The following PRPF18 variants were observed in gnomAD, a reference collection of about 807,000 sequenced individuals.
The protein encoded by PRPF18 is pre-mRNA-splicing factor 18.
A neutral mutation model predicts 46.5 loss-of-function variants in PRPF18; 38 were observed. The observed-to-expected ratio is 0.82, with a 90% CI of 0.63 to 1.07. The LOEUF (loss-of-function observed/expected upper bound fraction) is 1.07. Among genes scored for constraint, PRPF18 ranks in the 50% least tolerant of loss-of-function variants. The pLI, the probability that PRPF18 is intolerant of heterozygous loss-of-function variation, is 0.00. For missense variants in PRPF18, 263 were observed against 410.0 expected, an observed-to-expected ratio of 0.64 and a Z score of 3.10; for synonymous variants, 152 against 146.7, an observed-to-expected ratio of 1.04 and a Z score of -0.26.
intron 8 of PRPF18, among the ~76,000 whole-genome samples, chr10:13,614,587 G>A (rs1589131539): frequency 1.3e-5 from 2 of 152,276 alleles, no homozygotes; most frequent in Admixed American, 1.3e-4. Context: ...AGGCTTCCAG[G>A]ACTCATCTCT....
intron 1 of PRPF18, among the ~76,000 whole-genome samples, chr10:13,590,441 CAA>C (rs71721771): frequency 3.0e-5 from 4 of 134,960 alleles, no homozygotes; most frequent in African/African-American, 5.4e-5. Context: ...ACTGAAAATA[CAA>C]AAAAAAAAAA....
the PRPF18 span, chr10:13,647,507 C>T: frequency 6.6e-6 from 1 of 150,664 alleles, no homozygotes; most frequent in African/African-American, 2.5e-5. Context: ...TCCGTGAGAC[C>T]CCAGGGCTAA....
At chr10:13,649,783 A>G in the PRPF18 span, 1 of 152,240 alleles carries the variant, frequency 6.6e-6, no homozygotes, top group Non-Finnish European at 1.5e-5. Context: ...TAGTCAAGGA[A>G]TGCCATGTGC....
intron 1 of PRPF18, among the ~76,000 whole-genome samples, chr10:13,593,206 T>C (rs1320621731): frequency 1.3e-5 from 2 of 152,068 alleles, no homozygotes; most frequent in African/African-American, 4.8e-5. Flanking sequence ...TTCTAATACA[T>C]TGGAAAATCT....
chr10:13,591,854 G>A, intron 1 of PRPF18: 1 of 1,429,370 alleles, frequency 7.0e-7, no homozygotes, highest in Non-Finnish European at 9.4e-7. Flanking sequence ...TTGCCTCTGT[G>A]GAATCCAGTG....
At position 13,610,102 on chromosome 10, in the gene PRPF18, G is replaced by A. The variant is rs894379596; in HGVS notation, c.427G>A (p.Val143Ile). Residue 143 changes from valine (V) to isoleucine (I), a missense_variant, in exon 5 of 10, where the codon GTC becomes ATC. By Grantham distance (29) the Val-to-Ile change is conservative. Coordinates refer to ENST00000378572, the MANE Select transcript of PRPF18 (RefSeq NM_003675.4). ...KIDQQYLNEI[V>I]GGQEPGEEDT... ...TGATCAGCAGTACCTCAATGAAATC[G>A]TCGGCGGTCAGGAGCCTGGAGAGGA... 13 of 1,613,670 alleles carry A rather than the reference G, an allele frequency of 8.1e-6. No homozygotes were observed. Among genetic ancestry groups the A allele is most frequent in the Admixed American group, 3.3e-5 (2 of 59,992 alleles).
intron 2 of PRPF18, among the ~76,000 whole-genome samples, chr10:13,599,284 T>A (rs1372130660): frequency 6.6e-6 from 1 of 152,216 alleles, no homozygotes; most frequent in African/African-American, 2.4e-5. Context: ...TTTACCTCAG[T>A]ATCAATTAGT....
chr10:13,643,983 C>G, the PRPF18 span: 1 of 152,564 alleles, frequency 6.6e-6, no homozygotes, highest in African/African-American at 2.4e-5. Context: ...TTGTAATAAA[C>G]TATTGACATT....
rs1346877017 is a variant in PRPF18, at chr10:13,610,027, TGC to T, written c.364-11_364-10del. On this transcript the variant is annotated splice_polypyrimidine_tract_variant and intron_variant, in intron 4 of 9. Transcript: ENST00000378572. Reference sequence around the variant, plus strand: ...TCATAACAGGTGTTCTTCCTTTTTTTGCTTTTCTTAGGGATTGAGGAATGATT... The same window carrying T: ...TCATAACAGGTGTTCTTCCTTTTTTTTTTTCTTAGGGATTGAGGAATGATT... 6.3e-7 allele frequency: 1 copy of T among 1,582,232 alleles called. No individual in the cohort carries two copies. Among genetic ancestry groups the T allele is most frequent in the Admixed American group, 1.7e-5 (1 of 57,354 alleles).
At chr10:13,628,168 A>C (rs910266614) in intron 9 of PRPF18, among the ~76,000 whole-genome samples, 2 of 152,228 alleles carry the variant, frequency 1.3e-5, no homozygotes, top group African/African-American at 4.8e-5. Context: ...CGTGTGCAAA[A>C]GCCCTTCTTG....
intron 1 of PRPF18, among the ~76,000 whole-genome samples, chr10:13,588,911 C>T (rs576208436): frequency 7.2e-5 from 11 of 152,258 alleles, no homozygotes; most frequent in East Asian, 1.9e-4. Flanking sequence ...TATTTCTATC[C>T]GTATTTACCA....
intron 1 of PRPF18, chr10:13,592,130 T>C: frequency 1.7e-6 from 1 of 588,744 alleles, no homozygotes; most frequent in Non-Finnish European, 3.1e-6. Context: ...ACACAGCTTT[T>C]CTGGAATACA....
downstream of PRPF18, among the ~76,000 whole-genome samples, chr10:13,633,954 T>A (rs548387758): frequency 2.7e-4 from 41 of 152,334 alleles, no homozygotes; most frequent in Non-Finnish European, 3.8e-4. Context: ...ACTCTGCAGT[T>A]CCATTGGCTG....
At chr10:13,588,109 G>A (rs537976579) in intron 1 of PRPF18, among the ~76,000 whole-genome samples, 58 of 152,198 alleles carry the variant, frequency 3.8e-4, no homozygotes, top group African/African-American at 1.4e-3. Context: ...AAGGGTTTGT[G>A]CCCAACTGAA....
chr10:13,587,029 G>T lies in PRPF18; in HGVS notation c.-58G>T. The T allele has an allele frequency of 1.9e-6, 3 of 1,577,398 alleles. No individual in the cohort carries two copies. Among genetic ancestry groups the T allele is most frequent in the South Asian group, 1.1e-5 (1 of 90,304 alleles). On this transcript the variant is annotated 5_prime_UTR_variant, in exon 1 of 10. Transcript: ENST00000378572. ...CAGTGGGTTCGCGGCCGCCGGCCCA[G>T]TGAGGCTGGGTTCGAGGAGCTGGAG... is the stretch of plus-strand genomic sequence containing the variant.
At chr10:13,648,872 G>A in the PRPF18 span, 1 of 152,166 alleles carries the variant, frequency 6.6e-6, no homozygotes, top group African/African-American at 2.4e-5. Context: ...TGAGATCTTA[G>A]GAACACTTAG....
intron 9 of PRPF18, among the ~76,000 whole-genome samples, chr10:13,621,688 T>A (rs1240234548): frequency 6.6e-6 from 1 of 152,228 alleles, no homozygotes; most frequent in Non-Finnish European, 1.5e-5. Context: ...ATCTGTGCAC[T>A]GTGTTACAGA....
At chr10:13,633,586 C>G (rs1182298915), downstream of PRPF18, among the ~76,000 whole-genome samples, 1 of 152,084 alleles carries the variant, frequency 6.6e-6, no homozygotes, top group East Asian at 1.9e-4. Context: ...CCTACCCTGC[C>G]CCACCCCATG....
At chr10:13,626,058 C>G (rs1315245169) in intron 9 of PRPF18, among the ~76,000 whole-genome samples, 3 of 152,188 alleles carry the variant, frequency 2.0e-5, no homozygotes, top group African/African-American at 7.2e-5. Context: ...GAAGTGAGTT[C>G]TCAAGGTCAC....
Sources: gnomAD v4.1 joint callset for allele counts (sites outside exome capture counted in the v4.1 genomes callset) on GRCh38, gnomAD v4.1.1 for gene constraint, MANE v1.5 for transcripts, NCBI Gene and HGNC (gene_info 2026-07-23, HGNC 2026-07-21) for gene names.